KIAA0930: variants seen among roughly 807,000 people sequenced by gnomAD.
KIAA0930 encodes the protein uncharacterized protein KIAA0930.
In KIAA0930, 24 loss-of-function variants were observed where a neutral mutation model predicts 43.9. That is an observed-to-expected ratio of 0.55 (90% CI 0.40 to 0.77). The LOEUF is 0.77. Ranked by LOEUF, KIAA0930 falls within the 30% of genes least tolerant of loss-of-function variation. The pLI is 0.00. For synonymous variants in KIAA0930, 259 were observed against 216.4 expected (o/e 1.20, Z -1.73); for missense variants, 461 against 574.2 (o/e 0.80, Z 2.02).
intron 1 of KIAA0930, among the ~76,000 whole-genome samples, chr22:45,228,272 T>G (rs78970178): frequency 1.3e-5 from 2 of 152,124 alleles, no homozygotes; most frequent in Non-Finnish European, 2.9e-5. Context: ...CTACCCACAG[T>G]GCTTTTTACA....
At chr22:45,221,578 T>C (rs201480177) in intron 1 of KIAA0930, among the ~76,000 whole-genome samples, 1 of 146,224 alleles carries the variant, frequency 6.8e-6, no homozygotes, top group African/African-American at 2.8e-5. Context: ...GTTTCCAGAA[T>C]GGCATATATG....
Position 45,192,907 on chromosome 22 carries a change from G to A in KIAA0930, c.*4269C>T, listed in dbSNP as rs2083502032. 1 of 150,404 alleles carries A rather than the reference G, an allele frequency of 6.6e-6. No individual in the cohort carries two copies. The highest frequency in any genetic ancestry group is 1.5e-5 in the Non-Finnish European group (1 of 66,936). 9.3% of individuals were successfully genotyped at this position (150,404 alleles called of 1,614,324 possible). A position where few individuals can be genotyped will look rare whatever the true frequency, so the allele number is the denominator to read the frequency against. ...CCTTTTGCCACTGAGGATCAAGCCA[G>A]CCAGTGAAAAAGAAAAAACAAAAGC... On this transcript the variant is annotated 3_prime_UTR_variant, in exon 10 of 10. Transcript: ENST00000336156.
chr22:45,212,089 C>T lies in KIAA0930; in HGVS notation c.83G>A (p.Arg28His), dbSNP rs1320614601. 5.6e-6 allele frequency: 9 copies of T among 1,613,692 alleles called. No individual in the cohort carries two copies. Among genetic ancestry groups the T allele is most frequent in the Non-Finnish European group, 7.6e-6 (9 of 1,179,964 alleles). Residue 28 changes from arginine (R) to histidine (H), a missense_variant, in exon 2 of 10, where the codon CGC becomes CAC. By Grantham distance (29) the Arg-to-His change is conservative (BLOSUM62 0). Transcript: ENST00000336156. ...GAACATCCAAGTCCAGAAGACGATGCGGTCATCCTTGAAGCACCCTGCAGA... is the reference window on the plus strand; with the variant it reads ...GAACATCCAAGTCCAGAAGACGATGTGGTCATCCTTGAAGCACCCTGCAGA... Reference protein sequence around the residue: ...VCGLGCFKDDRIVFWTWMFST... With the variant: ...VCGLGCFKDDHIVFWTWMFST...
chr22:45,229,137 A>C (rs1286920191), intron 1 of KIAA0930, among the ~76,000 whole-genome samples: 1 of 12,040 alleles, frequency 8.3e-5, no homozygotes, highest in Admixed American at 1.1e-3. Context: ...CAACCACCAA[A>C]CACTCACCTG....
At chr22:45,231,166 T>A (rs994189129) in intron 1 of KIAA0930, among the ~76,000 whole-genome samples, 24 of 145,956 alleles carry the variant, frequency 1.6e-4, no homozygotes, top group Non-Finnish European at 3.0e-4. Context: ...GGCAGGAGAA[T>A]CGCTTGAACC....
intron 6 of KIAA0930, among the ~76,000 whole-genome samples, chr22:45,203,519 G>A (rs940260746): frequency 2.6e-5 from 4 of 152,118 alleles, no homozygotes; most frequent in Non-Finnish European, 4.4e-5. Context: ...GCACTCCCAG[G>A]GCCAGTCGCA....
At chr22:45,233,422 C>T (rs906603279) in intron 1 of KIAA0930, among the ~76,000 whole-genome samples, 1 of 152,178 alleles carries the variant, frequency 6.6e-6, no homozygotes, top group African/African-American at 2.4e-5. Context: ...ACAGGCCACG[C>T]AGGGCATGCA....
rs1222895186 is a variant in KIAA0930 at position 45,205,332 on chromosome 22, G to C, written c.415-14C>G. ...CGCGAACACTTGCTGGAAGAAAGCA[G>C]ATTTGGAGGACAAGTGAGGCCCCAC... On this transcript the variant is annotated splice_polypyrimidine_tract_variant and intron_variant, in intron 4 of 9. Transcript: ENST00000336156. The C allele has an allele frequency of 6.2e-7, 1 of 1,609,534 alleles. No individual in the cohort carries two copies. Among genetic ancestry groups the C allele is most frequent in the Non-Finnish European group, 8.5e-7 (1 of 1,176,004 alleles).
At chr22:45,229,990 G>A (rs1465635318) in intron 1 of KIAA0930, among the ~76,000 whole-genome samples, 2 of 152,256 alleles carry the variant, frequency 1.3e-5, no homozygotes, top group African/African-American at 4.8e-5. Flanking sequence ...CAGCTACTCA[G>A]GAGGCTGAGG....
chr22:45,198,567 T>C (rs1386589041), intron 8 of KIAA0930, among the ~76,000 whole-genome samples: 1 of 152,222 alleles, frequency 6.6e-6, no homozygotes, highest in African/African-American at 2.4e-5. Context: ...GGACAAAGAC[T>C]GCCACCTCTT....
chr22:45,224,673 T>A (rs1055567497), intron 1 of KIAA0930, among the ~76,000 whole-genome samples: 2 of 151,900 alleles, frequency 1.3e-5, no homozygotes, highest in Non-Finnish European at 2.9e-5. Flanking sequence ...CAGGCACCAG[T>A]AGAAGGTGGT....
In KIAA0930 at chr22:45,216,943, A is replaced by G. The variant is rs147244867; in HGVS notation, c.65-4836T>C. Among the ~76,000 whole-genome samples, 478 of 152,324 alleles carry G rather than the reference A, an allele frequency of 3.1e-3. 13 individuals carry two copies. The East Asian group carries it at 0.065, about 21-fold the overall frequency. On this transcript the variant is annotated intron_variant, in intron 1 of 9. Transcript: ENST00000336156. ...TTCTCCTGATTTGAGGCAGCCGTGA[A>G]CACTGAATTAGTCAGTACCGACCCA...
chr22:45,227,351 A>C (rs1427870831), intron 1 of KIAA0930, among the ~76,000 whole-genome samples: 1 of 151,942 alleles, frequency 6.6e-6, no homozygotes. Flanking sequence ...CTCTACTCTG[A>C]CTTCTGAGAC....
Position 45,214,237 on chromosome 22 carries a change from T to C in KIAA0930, c.65-2130A>G, listed in dbSNP as rs551661109. Among the ~76,000 whole-genome samples, 9 of 152,284 alleles carry C rather than the reference T, an allele frequency of 5.9e-5. No homozygotes were observed. The South Asian group carries it at 1.2e-3, about 21-fold the overall frequency. On this transcript the variant is annotated intron_variant, in intron 1 of 9. Coordinates refer to ENST00000336156, the MANE Select transcript of KIAA0930 (RefSeq NM_001009880.2). ...AAACTGCCAGATTCTCACAGAGTTA[T>C]ACATATACTTACAAAACCAGCCACT...
intron 1 of KIAA0930, among the ~76,000 whole-genome samples, chr22:45,216,939 G>A (rs537993183): frequency 6.6e-6 from 1 of 152,294 alleles, no homozygotes; most frequent in East Asian, 1.9e-4. Flanking sequence ...TGAGGCAGCC[G>A]TGAACACTGA....
intron 1 of KIAA0930, among the ~76,000 whole-genome samples, chr22:45,228,944 T>C (rs1191430732): frequency 3.1e-4 from 6 of 19,534 alleles, no homozygotes; most frequent in Admixed American, 9.0e-4. Context: ...ACCACTCACC[T>C]GAGAGATCCC....
rs1356532509 is a variant in KIAA0930, at chr22:45,240,893, C to T, written c.-190G>A. On this transcript the variant is annotated 5_prime_UTR_variant, in exon 1 of 10. Coordinates refer to ENST00000336156, the MANE Select transcript of KIAA0930 (RefSeq NM_001009880.2). Reference sequence around the variant, plus strand: ...AAACACAGCACCGGCGAGCGCACCTCCGCGCCGCCGCCGCCCGCGCGCCCC... The same window carrying T: ...AAACACAGCACCGGCGAGCGCACCTTCGCGCCGCCGCCGCCCGCGCGCCCC... 1.7e-4 allele frequency: 9 copies of T among 54,260 alleles called. No homozygotes were observed. The highest frequency in any genetic ancestry group is 6.2e-4 in the African/African-American group (9 of 14,504). 3.4% of individuals were successfully genotyped at this position (54,260 alleles called of 1,614,324 possible).
intron 1 of KIAA0930, among the ~76,000 whole-genome samples, chr22:45,240,330 C>T (rs1262404609): frequency 6.6e-6 from 1 of 152,230 alleles, no homozygotes; most frequent in Non-Finnish European, 1.5e-5. Context: ...AGGAAGAAGA[C>T]CCGCAGAGAC....
intron 1 of KIAA0930, among the ~76,000 whole-genome samples, chr22:45,213,072 G>A (rs761751102): frequency 7.2e-5 from 11 of 152,188 alleles, no homozygotes; most frequent in African/African-American, 2.7e-4. Context: ...CACTAATCCC[G>A]ACACTTAGAG....
Sources: gnomAD v4.1 joint callset for allele counts (sites outside exome capture counted in the v4.1 genomes callset) on GRCh38, gnomAD v4.1.1 for gene constraint, MANE v1.5 for transcripts, NCBI Gene and HGNC (gene_info 2026-07-23, HGNC 2026-07-21) for gene names.